PLCB4: variants seen among roughly 807,000 people sequenced by gnomAD.
PLCB4 encodes 1-phosphatidylinositol 4,5-bisphosphate phosphodiesterase beta-4.
Under a neutral mutation model 178.8 loss-of-function variants are expected in PLCB4, and 77 were observed. That is an observed-to-expected ratio of 0.43 (90% CI 0.36 to 0.52). The LOEUF (loss-of-function observed/expected upper bound fraction) is 0.52. PLCB4 is among the 20% of genes least tolerant of loss of function. PLCB4 has a pLI of 0.00. For missense variants in PLCB4, 1,024 were observed against 1,453.4 expected (o/e 0.70, Z 4.80); for synonymous variants, 496 against 490.8 (o/e 1.01, Z -0.14).
At chr20:9,361,628 G>A (rs1460351043) in intron 7 of PLCB4, among the ~76,000 whole-genome samples, 1 of 152,072 alleles carries the variant, frequency 6.6e-6, no homozygotes, top group Non-Finnish European at 1.5e-5. Context: ...AATGGTGAAG[G>A]TGATAAATGT....
intron 7 of PLCB4, among the ~76,000 whole-genome samples, chr20:9,360,981 A>G (rs6086858): frequency 0.05 from 7,593 of 152,276 alleles, 263 homozygotes; most frequent in Non-Finnish European, 0.076. Context: ...AAACAAAAAA[A>G]CCCAGAAAAT....
chr20:9,257,900 C>G (rs867852116), intron 3 of PLCB4, among the ~76,000 whole-genome samples: 17 of 152,182 alleles, frequency 1.1e-4, no homozygotes, highest in Admixed American at 2.6e-4. Flanking sequence ...AAAAGGAGGA[C>G]TTCAAGAGCA....
At chr20:9,133,365 T>G (rs1305214421) in intron 2 of PLCB4, among the ~76,000 whole-genome samples, 1 of 152,144 alleles carries the variant, frequency 6.6e-6, no homozygotes, top group African/African-American at 2.4e-5. Flanking sequence ...CCTCCTGGAT[T>G]CAAGCAATTC....
At chr20:9,266,184 C>T (rs1014336392) in intron 3 of PLCB4, among the ~76,000 whole-genome samples, 5 of 152,192 alleles carry the variant, frequency 3.3e-5, no homozygotes, top group African/African-American at 1.2e-4. Context: ...GATGGGTCAA[C>T]ATTGCTATCT....
At chr20:9,439,502 A>AT (rs1254220990) in intron 30 of PLCB4, among the ~76,000 whole-genome samples, 1 of 152,126 alleles carries the variant, frequency 6.6e-6, no homozygotes, top group Non-Finnish European at 1.5e-5. Flanking sequence ...ACACAGATAG[A>AT]TTTTATCTGA....
chr20:9,289,058 T>C (rs1359155699), intron 3 of PLCB4, among the ~76,000 whole-genome samples: 2 of 152,116 alleles, frequency 1.3e-5, no homozygotes, highest in Non-Finnish European at 2.9e-5. Flanking sequence ...CAAAACTCAA[T>C]TTAACTTATT....
Position 9,079,300 on chromosome 20 carries a change from G to A in PLCB4, c.-135+10094G>A, listed in dbSNP as rs544794529. On this transcript the variant is annotated intron_variant, in intron 1 of 39. Transcript: ENST00000378473. The stretch of plus-strand genomic sequence containing the variant: ...GCTTGTTAAAGGGACCTTTTGCAAG[G>A]TGTGGGCAGGTGTAGGGAATACAAT... Among the ~76,000 whole-genome samples, 208 of 152,286 alleles carry A rather than the reference G, an allele frequency of 1.4e-3. 2 individuals are homozygous for A. The highest frequency in any genetic ancestry group is 4.8e-3 in the African/African-American group (200 of 41,552).
intron 2 of PLCB4, among the ~76,000 whole-genome samples, chr20:9,213,536 A>G (rs1030121612): frequency 6.6e-6 from 1 of 152,198 alleles, no homozygotes; most frequent in Non-Finnish European, 1.5e-5. Context: ...ATGTGAACGT[A>G]CTACACGTTT....
intron 3 of PLCB4, among the ~76,000 whole-genome samples, chr20:9,221,754 A>G (rs958667477): frequency 6.6e-6 from 1 of 152,216 alleles, no homozygotes. Context: ...AGAAAACTTG[A>G]CATTTCAAAG....
At chr20:9,430,808 A>C (rs2041343950) in intron 28 of PLCB4, among the ~76,000 whole-genome samples, 2 of 152,214 alleles carry the variant, frequency 1.3e-5, no homozygotes, top group African/African-American at 4.8e-5. Flanking sequence ...CTGCATAAAC[A>C]GGAGGAAAAC....
At chr20:9,442,228 T>C (rs1215406549) in intron 30 of PLCB4, among the ~76,000 whole-genome samples, 2 of 152,294 alleles carry the variant, frequency 1.3e-5, no homozygotes, top group East Asian at 3.9e-4. Context: ...TCATTCACAC[T>C]AGCCACATTT....
chr20:9,203,877 C>G (rs1402980126), intron 2 of PLCB4, among the ~76,000 whole-genome samples: 1 of 139,570 alleles, frequency 7.2e-6, no homozygotes, highest in Non-Finnish European at 1.5e-5. Flanking sequence ...GGAGCTTCTT[C>G]TTAGACCTGG....
In PLCB4 at chr20:9,479,152, C is replaced by G; in HGVS notation, c.*143C>G. ...AGAGAGACTTGGAATGTCTGACTGACTTCTATTTAACAGCTTGAGTATTGC... is the reference window on the plus strand; with the variant it reads ...AGAGAGACTTGGAATGTCTGACTGAGTTCTATTTAACAGCTTGAGTATTGC... On this transcript the variant is annotated 3_prime_UTR_variant, in exon 40 of 40. Coordinates refer to ENST00000378473, the MANE Select transcript of PLCB4 (RefSeq NM_001377142.1). The G allele has an allele frequency of 1.5e-6, 1 of 649,908 alleles. No individual in the cohort carries two copies. The highest frequency in any genetic ancestry group is 2.7e-6 in the Non-Finnish European group (1 of 365,338). The allele number at this position is 649,908 out of a possible 1,614,324, so 40.3% of individuals were successfully genotyped here.
intron 20 of PLCB4, among the ~76,000 whole-genome samples, chr20:9,405,008 A>G (rs1174023956): frequency 6.6e-6 from 1 of 152,228 alleles, no homozygotes; most frequent in African/African-American, 2.4e-5. Context: ...GTTACTCAAG[A>G]GTGACCATTC....
At chr20:9,182,581 G>A (rs1442626241) in intron 2 of PLCB4, among the ~76,000 whole-genome samples, 2 of 152,186 alleles carry the variant, frequency 1.3e-5, no homozygotes, top group Non-Finnish European at 2.9e-5. Context: ...AAATAGCAGG[G>A]CTGTAATAGC....
Position 9,123,496 on chromosome 20 carries a change from T to C in PLCB4, c.-79+27154T>C, listed in dbSNP as rs530442396. Reference sequence around the variant, plus strand: ...AAGTCAATATTTTGTATGTGAAGAGTGCCCCTTAAAGTTTATTTCTTCTTT... The same window carrying C: ...AAGTCAATATTTTGTATGTGAAGAGCGCCCCTTAAAGTTTATTTCTTCTTT... On this transcript the variant is annotated intron_variant, in intron 2 of 39. Coordinates refer to ENST00000378473, the MANE Select transcript of PLCB4 (RefSeq NM_001377142.1). Among the ~76,000 whole-genome samples, 4 of 151,688 alleles carry C rather than the reference T, an allele frequency of 2.6e-5. No individual in the cohort carries two copies. The East Asian group carries it at 7.8e-4, about 29-fold the overall frequency.
At chr20:9,073,147 A>G (rs2089656037) in intron 1 of PLCB4, among the ~76,000 whole-genome samples, 1 of 152,136 alleles carries the variant, frequency 6.6e-6, no homozygotes, top group Non-Finnish European at 1.5e-5. Flanking sequence ...GTCCTCCCGA[A>G]CAATTAAAGC....
upstream of PLCB4, chr20:9,068,755 G>C (rs2089404045): frequency 6.6e-6 from 1 of 151,610 alleles, no homozygotes. Flanking sequence ...AGGGAGGCTC[G>C]GGGGCAGGGG....
At chr20:9,288,456 C>G (rs1164124129) in intron 3 of PLCB4, among the ~76,000 whole-genome samples, 1 of 149,550 alleles carries the variant, frequency 6.7e-6, no homozygotes, top group African/African-American at 2.5e-5. Context: ...ACTTTTACAT[C>G]AATCTTGATA....
Sources: allele counts gnomAD v4.1 joint callset (sites outside exome capture counted in the v4.1 genomes callset), GRCh38; gene constraint gnomAD v4.1.1; transcripts MANE v1.5; gene names NCBI Gene and HGNC (gene_info 2026-07-23, HGNC 2026-07-21).